The following RALGAPA1 variants were observed in gnomAD, a reference collection of about 807,000 sequenced individuals.
RALGAPA1 encodes Ral GTPase activating protein catalytic subunit alpha 1.
Under a neutral mutation model 269.6 loss-of-function variants are expected in RALGAPA1, and 52 were observed. The ratio of observed to expected loss-of-function variants is 0.19; its 90% CI spans 0.15 to 0.24. The LOEUF (loss-of-function observed/expected upper bound fraction) is 0.24, where lower values mean the gene tolerates loss of function less well. RALGAPA1 is among the 10% of genes least tolerant of loss of function. The pLI is 1.00. For missense variants in RALGAPA1, 1,917 were observed against 3,013.9 expected, an observed-to-expected ratio of 0.64 and a Z score of 8.52; for synonymous variants, 817 against 1,008.3, an observed-to-expected ratio of 0.81 and a Z score of 3.60.
intron 27 of RALGAPA1, among the ~76,000 whole-genome samples, chr14:35,659,469 T>TA (rs1286911783): frequency 1.3e-5 from 2 of 152,132 alleles, no homozygotes; most frequent in African/African-American, 4.8e-5. Flanking sequence ...GGTATGAAGA[T>TA]TTTTAAGATT....
intron 28 of RALGAPA1, among the ~76,000 whole-genome samples, chr14:35,656,371 T>C (rs1017303722): frequency 2.0e-5 from 3 of 152,330 alleles, no homozygotes; most frequent in Non-Finnish European, 4.4e-5. Flanking sequence ...TTAAAACAAA[T>C]TGAGAACATA....
intron 7 of RALGAPA1, among the ~76,000 whole-genome samples, chr14:35,756,053 C>T (rs1480892912): frequency 1.3e-5 from 2 of 152,174 alleles, no homozygotes; most frequent in African/African-American, 4.8e-5. Context: ...CTGCAGCCTA[C>T]CTCCCTAGTT....
Position 35,539,571 on chromosome 14 carries a change from G to A in RALGAPA1, c.*143C>T, listed in dbSNP as rs777325079. On this transcript the variant is annotated 3_prime_UTR_variant, in exon 42 of 42. Transcript: ENST00000680220. ...GATTTATTGGCTGAGCCAGAGGAAC[G>A]ACGCAGCTTCATGGACATGCGGCTT... 5 of 1,612,982 alleles carry A rather than the reference G, an allele frequency of 3.1e-6. No individual in the cohort carries two copies. In the South Asian group the frequency reaches 3.3e-5, roughly 11 times the overall value.
chr14:35,670,475 C>T (rs930156034), intron 26 of RALGAPA1, among the ~76,000 whole-genome samples: 3 of 152,146 alleles, frequency 2.0e-5, no homozygotes, highest in African/African-American at 4.8e-5. Context: ...TTACTCATTC[C>T]TTCCTTAGGC....
In RALGAPA1 at chr14:35,685,109, C is replaced by G. The variant is rs1277776576; in HGVS notation, c.4114G>C (p.Glu1372Gln). ...ATATCAGGGAGGTCTTTGGGAATTT[C>G]CAGGCTGCCTGGACTACTTCCTCTT... ...TRRGSSPGSL[E>Q]IPKDLPDILN... Residue 1372 changes from glutamate (E) to glutamine (Q), a missense_variant, in exon 20 of 42, where the codon GAA becomes CAA. Transcript: ENST00000680220. The G allele has an allele frequency of 6.4e-7, 1 of 1,569,478 alleles. No homozygotes were observed. The highest frequency in any genetic ancestry group is 2.3e-5 in the East Asian group (1 of 42,606).
chr14:35,695,020 C>G (rs1196322893), intron 17 of RALGAPA1, among the ~76,000 whole-genome samples: 1 of 152,020 alleles, frequency 6.6e-6, no homozygotes, highest in Non-Finnish European at 1.5e-5. Flanking sequence ...GTGGAGGTTG[C>G]AGTGAGCCAA....
At chr14:35,612,920 T>G (rs898036036) in intron 35 of RALGAPA1, among the ~76,000 whole-genome samples, 1 of 151,934 alleles carries the variant, frequency 6.6e-6, no homozygotes, top group Non-Finnish European at 1.5e-5. Flanking sequence ...AAAATTAAAT[T>G]TTTTGTGCTA....
chr14:35,593,917 C>T lies in RALGAPA1; in HGVS notation c.7209+1717G>A, dbSNP rs113479043. 4.8e-3 allele frequency among the ~76,000 whole-genome samples: 735 copies of T among 151,788 alleles called. 7 individuals are homozygous for T. The highest frequency in any genetic ancestry group is 0.016 in the African/African-American group (674 of 41,424). On this transcript the variant is annotated intron_variant, in intron 37 of 41. Transcript: ENST00000680220. ...CAAAGCTACAGTCATCAGAATGGTA[C>T]GGTACTGGCGTAAAAACAGAAGCAT...
intron 10 of RALGAPA1, among the ~76,000 whole-genome samples, chr14:35,745,705 A>C (rs2072010028): frequency 7.1e-6 from 1 of 141,744 alleles, no homozygotes; most frequent in Non-Finnish European, 1.5e-5. Flanking sequence ...CAGAGTCTGC[A>C]GTGAGCCGAG....
In RALGAPA1 at chr14:35,621,184, A is replaced by G. The variant is rs193033061; in HGVS notation, c.6929+4177T>C. Among the ~76,000 whole-genome samples, 400 of 152,260 alleles carry G rather than the reference A, an allele frequency of 2.6e-3. 2 individuals carry two copies. Among genetic ancestry groups the G allele is most frequent in the African/African-American group, 9.3e-3 (387 of 41,550 alleles). On this transcript the variant is annotated intron_variant, in intron 35 of 41. Coordinates refer to ENST00000680220, the MANE Select transcript of RALGAPA1 (RefSeq NM_001346249.2). ...CAGATATATAGACCAACAGAACAGA[A>G]CAGAGCCCTCAGAAATAATACCACA...
chr14:35,748,206 C>A (rs896677558), intron 10 of RALGAPA1, among the ~76,000 whole-genome samples: 1 of 151,564 alleles, frequency 6.6e-6, no homozygotes, highest in Non-Finnish European at 1.5e-5. Context: ...ATAGAAAATA[C>A]TAGAGGATTA....
intron 1 of RALGAPA1, among the ~76,000 whole-genome samples, chr14:35,794,330 A>G (rs1013643859): frequency 6.6e-6 from 1 of 152,042 alleles, no homozygotes; most frequent in Non-Finnish European, 1.5e-5. Context: ...TATTTTATAT[A>G]TATCTATATA....
intron 27 of RALGAPA1, among the ~76,000 whole-genome samples, chr14:35,661,268 C>A (rs532279534): frequency 8.6e-5 from 13 of 152,008 alleles, no homozygotes; most frequent in Non-Finnish European, 1.5e-4. Context: ...AATTTTACCT[C>A]AATAAAGCTA....
In RALGAPA1 at chr14:35,621,780, T is replaced by C. The variant is rs2060646993; in HGVS notation, c.6929+3581A>G. Reference sequence around the variant, plus strand: ...ATGAAAAAATGCTCATCATCACTGGTCATTAGAGAAATGCAAATCAAAACC... The same window carrying C: ...ATGAAAAAATGCTCATCATCACTGGCCATTAGAGAAATGCAAATCAAAACC... On this transcript the variant is annotated intron_variant, in intron 35 of 41. Transcript: ENST00000680220. Among the ~76,000 whole-genome samples, 12 of 152,300 alleles carry C rather than the reference T, an allele frequency of 7.9e-5. No homozygotes were observed. In the South Asian group the frequency reaches 2.5e-3, roughly 32 times the overall value.
At chr14:35,771,362 C>A (rs888385338) in intron 3 of RALGAPA1, among the ~76,000 whole-genome samples, 10 of 152,246 alleles carry the variant, frequency 6.6e-5, no homozygotes, top group Middle Eastern at 3.4e-3. Flanking sequence ...CCACTGCCCT[C>A]CAGCCTGGTC....
intron 41 of RALGAPA1, chr14:35,542,021 A>G (rs1469644417): frequency 8.0e-7 from 1 of 1,257,202 alleles, no homozygotes; most frequent in Non-Finnish European, 1.0e-6. Context: ...CAAATGTTAT[A>G]CTTACCAACT....
chr14:35,665,947 G>A (rs2063893083), intron 26 of RALGAPA1, among the ~76,000 whole-genome samples: 1 of 151,772 alleles, frequency 6.6e-6, no homozygotes, highest in Admixed American at 6.6e-5. Flanking sequence ...GGCATTAACA[G>A]AAGGGAGATG....
At chr14:35,730,385 G>T (rs2070364319) in intron 12 of RALGAPA1, among the ~76,000 whole-genome samples, 1 of 152,166 alleles carries the variant, frequency 6.6e-6, no homozygotes, top group Non-Finnish European at 1.5e-5. Flanking sequence ...AAGCCTCCTG[G>T]CCAGAACTCA....
intron 12 of RALGAPA1, among the ~76,000 whole-genome samples, chr14:35,735,772 A>C (rs891904150): frequency 6.6e-6 from 1 of 152,218 alleles, no homozygotes; most frequent in African/African-American, 2.4e-5. Flanking sequence ...GAAATGAAAA[A>C]AGAGTAAGAC....
Sources: allele counts gnomAD v4.1 joint callset (sites outside exome capture counted in the v4.1 genomes callset), GRCh38; gene constraint gnomAD v4.1.1; transcripts MANE v1.5; gene names NCBI Gene and HGNC (gene_info 2026-07-23, HGNC 2026-07-21).